Variants in SLC22A14 observed in about 807,000 individuals in gnomAD.
SLC22A14 encodes the protein organic cation transporter-like 4.
A neutral mutation model predicts 53.9 loss-of-function variants in SLC22A14; 50 were observed. That is an observed-to-expected ratio of 0.93 (90% CI 0.74 to 1.17). The LOEUF is 1.17. SLC22A14 is among the 50% of genes most tolerant of loss of function. SLC22A14 has a pLI of 0.00. For missense variants in SLC22A14, 671 were observed against 734.7 expected, an observed-to-expected ratio of 0.91 and a Z score of 1.00; for synonymous variants, 312 against 303.0, an observed-to-expected ratio of 1.03 and a Z score of -0.31.
chr3:38,288,608 T>C (rs1183095400), intron 1 of SLC22A14, among the ~76,000 whole-genome samples: 1 of 152,240 alleles, frequency 6.6e-6, no homozygotes. Context: ...TTTAAAAAAT[T>C]AATAATTGTC....
At chr3:38,281,551 A>G (rs545284703), upstream of SLC22A14, among the ~76,000 whole-genome samples, 1 of 152,258 alleles carries the variant, frequency 6.6e-6, no homozygotes, top group Admixed American at 6.5e-5. Flanking sequence ...TCTTGTTATA[A>G]AGTCACCAGT....
At chr3:38,313,532 G>T (rs377493770) in intron 7 of SLC22A14, 47 bp downstream of exon 7, 4 of 1,367,280 alleles carry the variant, frequency 2.9e-6, no homozygotes, top group Non-Finnish European at 4.2e-6. Context: ...AGGTGCGCAG[G>T]CTGGAAACTC....
upstream of SLC22A14, among the ~76,000 whole-genome samples, chr3:38,279,206 T>C (rs888575731): frequency 1.3e-5 from 2 of 152,228 alleles, no homozygotes; most frequent in Non-Finnish European, 2.9e-5. Context: ...ACAAAAGCTC[T>C]ATTTAGCTTC....
At chr3:38,302,485 C>T (rs558603129) in intron 1 of SLC22A14, among the ~76,000 whole-genome samples, 4 of 151,788 alleles carry the variant, frequency 2.6e-5, no homozygotes, top group African/African-American at 7.2e-5. Flanking sequence ...AACAAGACCT[C>T]GTCTCTACAA....
intron 1 of SLC22A14, among the ~76,000 whole-genome samples, chr3:38,285,472 A>T (rs1424087894): frequency 6.6e-6 from 1 of 152,236 alleles, no homozygotes; most frequent in East Asian, 1.9e-4. Context: ...TGTTAAAAAA[A>T]ATCTATAGTT....
Position 38,307,176 on chromosome 3 carries a change from G to C in SLC22A14, c.517-78G>C, listed in dbSNP as rs987827742. The C allele has an allele frequency of 1.0e-6, 1 of 989,768 alleles. No individual in the cohort carries two copies. Among genetic ancestry groups the C allele is most frequent in the Non-Finnish European group, 1.6e-6 (1 of 610,204 alleles). 61.3% of individuals were successfully genotyped at this position (989,768 alleles called of 1,614,324 possible). On this transcript the variant is annotated intron_variant, in intron 2 of 10. Transcript: ENST00000448498. The surrounding 1 kb of genome is among the most constrained non-coding windows in gnomAD (Gnocchi z 4.4). ...CTACCCCAGGTCCCCTTGGCCTATA[G>C]GTCCCACGCTGGGATGAGTCTCAGT... is the stretch of plus-strand genomic sequence containing the variant.
Position 38,309,120 on chromosome 3 carries a change from C to T in SLC22A14, c.942C>T (p.Ile314=), listed in dbSNP as rs1052388298. The T allele has an allele frequency of 9.9e-6, 16 of 1,613,608 alleles. No individual in the cohort carries two copies. Among genetic ancestry groups the T allele is most frequent in the Non-Finnish European group, 1.4e-5 (16 of 1,179,622 alleles). ...GILVIPFISY[I]WILPESPRWL... ...TTGTGATCCCCTTCATCTCCTATAT[C>T]TGGTGAGCAAGCGAGTACCGGGCAT... Residue 314 remains isoleucine, a splice_region_variant and synonymous_variant, in exon 5 of 11, where the codon ATC becomes ATT. Transcript: ENST00000448498.
upstream of SLC22A14, among the ~76,000 whole-genome samples, chr3:38,280,186 C>T (rs1240822190): frequency 6.6e-6 from 1 of 152,192 alleles, no homozygotes; most frequent in East Asian, 1.9e-4. Flanking sequence ...TCTTTCCTTC[C>T]ACTAATCACC....
In SLC22A14 at chr3:38,311,936, C is replaced by A. The variant is rs980326123; in HGVS notation, c.945-1063C>A. Among the ~76,000 whole-genome samples the A allele has an allele frequency of 2.6e-5, 4 of 152,314 alleles. No individual in the cohort carries two copies. In the South Asian group the frequency reaches 8.3e-4, roughly 32 times the overall value. ...TTTTTTCAGTGGACATGAGGCCAATCCCCCATCTTTTTGAAGAAGTCTCAG... is the reference window on the plus strand; with the variant it reads ...TTTTTTCAGTGGACATGAGGCCAATACCCCATCTTTTTGAAGAAGTCTCAG... On this transcript the variant is annotated intron_variant, in intron 5 of 10. Transcript: ENST00000448498.
chr3:38,289,384 A>G (rs139664186), intron 1 of SLC22A14, among the ~76,000 whole-genome samples: 64 of 152,132 alleles, frequency 4.2e-4, no homozygotes, highest in Non-Finnish European at 3.4e-4. Flanking sequence ...CTGAGATCCA[A>G]TCCAGGATCC....
chr3:38,298,943 ACACAT>A (rs1704102536), intron 1 of SLC22A14, among the ~76,000 whole-genome samples: 1 of 152,222 alleles, frequency 6.6e-6, no homozygotes. Flanking sequence ...TAAATATTAT[ACACAT>A]AGTTTCAGAA....
At chr3:38,312,338 G>T (rs1704490192) in intron 5 of SLC22A14, among the ~76,000 whole-genome samples, 1 of 152,148 alleles carries the variant, frequency 6.6e-6, no homozygotes, top group Non-Finnish European at 1.5e-5. Context: ...ATATACAAGG[G>T]CACCAAGCAC....
At chr3:38,309,594 G>A (rs960995634) in intron 5 of SLC22A14, among the ~76,000 whole-genome samples, 1 of 152,210 alleles carries the variant, frequency 6.6e-6, no homozygotes, top group African/African-American at 2.4e-5. Flanking sequence ...CAGAGTCAGG[G>A]AAGAGTATCA....
chr3:38,303,410 A>T (rs1442198419), intron 1 of SLC22A14, among the ~76,000 whole-genome samples: 1 of 152,132 alleles, frequency 6.6e-6, no homozygotes, highest in Non-Finnish European at 1.5e-5. Flanking sequence ...TACCACCCAT[A>T]TGTTTTGATA....
chr3:38,283,721 T>G (rs1703725047), intron 1 of SLC22A14, among the ~76,000 whole-genome samples: 1 of 152,032 alleles, frequency 6.6e-6, no homozygotes, highest in Admixed American at 6.5e-5. Context: ...TACCAGCTAC[T>G]CGGGAGGCTG....
At position 38,313,134 on chromosome 3, in the gene SLC22A14, G is replaced by C; in HGVS notation, c.1065+15G>C. 1 of 1,610,012 alleles carries C rather than the reference G, an allele frequency of 6.2e-7. No homozygotes were observed. Among genetic ancestry groups the C allele is most frequent in the Non-Finnish European group, 8.5e-7 (1 of 1,178,448 alleles). On this transcript the variant is annotated intron_variant, in intron 6 of 10. Transcript: ENST00000448498. ...TGCTGGACGAGGTAAAGGGCTTCTG[G>C]CCAGGAGTGGGGCCGGAGCAGTGGG...
intron 5 of SLC22A14, among the ~76,000 whole-genome samples, chr3:38,312,124 G>A (rs555638930): frequency 1.7e-4 from 26 of 152,248 alleles, no homozygotes; most frequent in Middle Eastern, 3.4e-3. Context: ...AGTCCTGGTC[G>A]GGGAGGGAGT....
chr3:38,283,836 A>AAAC (rs1004721749), intron 1 of SLC22A14, among the ~76,000 whole-genome samples: 3 of 152,108 alleles, frequency 2.0e-5, no homozygotes, highest in Non-Finnish European at 4.4e-5. Flanking sequence ...TCTCACAAAC[A>AAAC]AACAACAACA....
In SLC22A14 at chr3:38,313,490, G is replaced by A; in HGVS notation, c.1163+5G>A. The stretch of plus-strand genomic sequence containing the variant: ...CTTGGTGATGAGCTGTGTGTGGTGA[G>A]TATCCAGGGCTCGCTGGCAGGGACT... On this transcript the variant is annotated splice_donor_5th_base_variant and intron_variant, in intron 7 of 10. Coordinates refer to ENST00000448498, the MANE Select transcript of SLC22A14 (RefSeq NM_001320033.2). 6.3e-7 allele frequency: 1 copy of A among 1,595,446 alleles called. No homozygotes were observed. Among genetic ancestry groups the A allele is most frequent in the Non-Finnish European group, 8.6e-7 (1 of 1,162,966 alleles).
Sources: gnomAD v4.1 joint callset for allele counts (sites outside exome capture counted in the v4.1 genomes callset) on GRCh38, gnomAD v4.1.1 for gene constraint, Gnocchi (gnomAD v3.1) non-coding constraint, MANE v1.5 for transcripts, NCBI Gene and HGNC (gene_info 2026-07-23, HGNC 2026-07-21) for gene names.